The following COL8A1 variants were observed in gnomAD, a reference collection of about 807,000 sequenced individuals.
The protein encoded by COL8A1 is collagen alpha-1(VIII) chain.
Under a neutral mutation model 42.7 loss-of-function variants are expected in COL8A1, and 21 were observed. That is an observed-to-expected ratio of 0.49 (90% CI 0.35 to 0.71). The LOEUF (loss-of-function observed/expected upper bound fraction) is 0.71. Ranked by LOEUF, COL8A1 falls within the 30% of genes least tolerant of loss-of-function variation. COL8A1 has a pLI of 0.01. For synonymous variants in COL8A1, 367 were observed against 369.1 expected (o/e 0.99, Z 0.06); for missense variants, 788 against 962.4 (o/e 0.82, Z 2.40).
intron 1 of COL8A1, among the ~76,000 whole-genome samples, chr3:99,673,003 G>A (rs1164537309): frequency 6.6e-6 from 1 of 151,972 alleles, no homozygotes; most frequent in African/African-American, 2.4e-5. Context: ...CCATGGCCCA[G>A]GGAAGATCAT....
At chr3:99,661,331 A>G (rs1337492808) in intron 1 of COL8A1, among the ~76,000 whole-genome samples, 1 of 152,224 alleles carries the variant, frequency 6.6e-6, no homozygotes, top group Non-Finnish European at 1.5e-5. Context: ...AAGATATACA[A>G]ATGGTCAACA....
At chr3:99,771,945 A>G (rs1262854019) in intron 2 of COL8A1, among the ~76,000 whole-genome samples, 1 of 152,182 alleles carries the variant, frequency 6.6e-6, no homozygotes. Flanking sequence ...CAACTGTTTT[A>G]TTCTGAAGGA....
At chr3:99,711,982 A>G (rs1289920471) in intron 1 of COL8A1, among the ~76,000 whole-genome samples, 1 of 152,164 alleles carries the variant, frequency 6.6e-6, no homozygotes, top group Non-Finnish European at 1.5e-5. Context: ...CTTTCCACTA[A>G]TAAAAATACT....
chr3:99,669,598 A>G (rs576560928), intron 1 of COL8A1, among the ~76,000 whole-genome samples: 11 of 152,118 alleles, frequency 7.2e-5, no homozygotes, highest in Non-Finnish European at 1.5e-4. Flanking sequence ...TATATATTCA[A>G]TAAATGATGA....
intron 2 of COL8A1, among the ~76,000 whole-genome samples, chr3:99,784,257 T>C (rs1316290573): frequency 6.6e-6 from 1 of 152,116 alleles, no homozygotes; most frequent in Non-Finnish European, 1.5e-5. Flanking sequence ...GGAATAACTG[T>C]ATACAGTCTT....
chr3:99,758,715 C>T (rs114044997), intron 2 of COL8A1, among the ~76,000 whole-genome samples: 1,975 of 152,234 alleles, frequency 0.013, 35 homozygotes, highest in African/African-American at 0.045. Context: ...AGATACAAGT[C>T]GTCTGTAAAC....
At chr3:99,708,862 A>G (rs1939755697) in intron 1 of COL8A1, among the ~76,000 whole-genome samples, 1 of 151,660 alleles carries the variant, frequency 6.6e-6, no homozygotes, top group South Asian at 2.1e-4. Flanking sequence ...CTTTCTTTCT[A>G]TTTTTTTCTT....
At chr3:99,682,572 G>A (rs572569450) in intron 1 of COL8A1, among the ~76,000 whole-genome samples, 4 of 151,522 alleles carry the variant, frequency 2.6e-5, no homozygotes, top group African/African-American at 7.3e-5. Flanking sequence ...GGTACTTCTG[G>A]TCTGACTTTT....
At chr3:99,774,624 C>T (rs990806290) in intron 2 of COL8A1, among the ~76,000 whole-genome samples, 9 of 152,016 alleles carry the variant, frequency 5.9e-5, no homozygotes, top group African/African-American at 2.2e-4. Flanking sequence ...TGTTCATATC[C>T]AGCCCAACAC....
At chr3:99,756,302 T>C (rs1576464750) in intron 2 of COL8A1, among the ~76,000 whole-genome samples, 1 of 152,252 alleles carries the variant, frequency 6.6e-6, no homozygotes, top group Admixed American at 6.5e-5. Flanking sequence ...CAAGAATCTT[T>C]AGAAAATGTC....
chr3:99,690,412 G>GA (rs1274217441), intron 1 of COL8A1, among the ~76,000 whole-genome samples: 1 of 152,086 alleles, frequency 6.6e-6, no homozygotes, highest in Non-Finnish European at 1.5e-5. Flanking sequence ...ATCTAGATTA[G>GA]AAAAAATTTT....
At chr3:99,707,621 G>A (rs1939717450) in intron 1 of COL8A1, among the ~76,000 whole-genome samples, 1 of 152,144 alleles carries the variant, frequency 6.6e-6, no homozygotes. Context: ...AGAGTTTAGG[G>A]AAGACAGAGG....
At chr3:99,668,949 G>A (rs571848959) in intron 1 of COL8A1, among the ~76,000 whole-genome samples, 5 of 151,360 alleles carry the variant, frequency 3.3e-5, no homozygotes, top group Admixed American at 1.3e-4. Flanking sequence ...TTATTATATC[G>A]CAGCTTTAGT....
At position 99,794,649 on chromosome 3, in the gene COL8A1, G is replaced by A. The variant is rs149507188; in HGVS notation, c.748G>A (p.Ala250Thr). The A allele has an allele frequency of 4.4e-5, 71 of 1,613,664 alleles. No homozygotes were observed. The highest frequency in any genetic ancestry group is 5.0e-5 in the Admixed American group (3 of 59,948). Residue 250 changes from alanine (A) to threonine (T), a missense_variant, in exon 4 of 4, where the codon GCG (alanine) becomes ACG (threonine). By Grantham distance (58) the Ala-to-Thr change is moderately conservative. Coordinates refer to ENST00000652472, the MANE Select transcript of COL8A1 (RefSeq NM_020351.4). The surrounding 1 kb of genome is among the most constrained non-coding windows in gnomAD (Gnocchi z 4.3). Reference protein sequence around the residue: ...KGDKGFGMPGAPGVKGPPGMH... With the variant: ...KGDKGFGMPGTPGVKGPPGMH... ...AGACAAGGGCTTCGGGATGCCAGGT[G>A]CGCCAGGTGTAAAGGGGCCTCCAGG... is the stretch of plus-strand genomic sequence containing the variant.
intron 1 of COL8A1, among the ~76,000 whole-genome samples, chr3:99,650,069 A>G (rs965670050): frequency 3.9e-5 from 6 of 151,990 alleles, no homozygotes; most frequent in Non-Finnish European, 7.4e-5. Context: ...GCTTCTTTTC[A>G]TCTTCACCTC....
intron 2 of COL8A1, among the ~76,000 whole-genome samples, chr3:99,760,754 T>A (rs1173652630): frequency 6.6e-6 from 1 of 152,208 alleles, no homozygotes; most frequent in East Asian, 1.9e-4. Context: ...ATTCTAACTA[T>A]GAAGACTCAC....
At chr3:99,663,852 T>C (rs1347164274) in intron 1 of COL8A1, among the ~76,000 whole-genome samples, 1 of 152,174 alleles carries the variant, frequency 6.6e-6, no homozygotes, top group Non-Finnish European at 1.5e-5. Context: ...ATGTAGGTTA[T>C]TTTTTAATGC....
chr3:99,666,913 A>T (rs539203387), intron 1 of COL8A1, among the ~76,000 whole-genome samples: 1 of 152,312 alleles, frequency 6.6e-6, no homozygotes, highest in East Asian at 1.9e-4. Flanking sequence ...CTTTTCTATC[A>T]ATACAGGACC....
chr3:99,685,424 C>CT, intron 1 of COL8A1: 1 of 152,218 alleles, frequency 6.6e-6, no homozygotes, highest in East Asian at 1.9e-4. Context: ...AATCTTATGT[C>CT]TTTTTTAGTT....
Sources: gnomAD v4.1 joint callset for allele counts (sites outside exome capture counted in the v4.1 genomes callset) on GRCh38, gnomAD v4.1.1 for gene constraint, Gnocchi (gnomAD v3.1) non-coding constraint, MANE v1.5 for transcripts, NCBI Gene and HGNC (gene_info 2026-07-23, HGNC 2026-07-21) for gene names.